Variants in LIPC observed in about 807,000 individuals in gnomAD.
LIPC encodes lipase C, hepatic type, also known as hepatic triacylglycerol lipase.
In LIPC, 44 loss-of-function variants were observed where a neutral mutation model predicts 50.7. The ratio of observed to expected loss-of-function variants is 0.87; its 90% CI spans 0.68 to 1.11. The LOEUF is 1.11. LIPC is among the 50% of genes most tolerant of loss of function. LIPC has a pLI of 0.00. For missense variants in LIPC, 697 were observed against 648.2 expected (o/e 1.08, Z -0.82); for synonymous variants, 271 against 256.4 (o/e 1.06, Z -0.54).
chr15:58,553,986 T>C (rs936292299), intron 6 of LIPC, among the ~76,000 whole-genome samples: 1 of 148,838 alleles, frequency 6.7e-6, no homozygotes, highest in Admixed American at 6.7e-5. Flanking sequence ...GAGAAATCCA[T>C]ACACGGAGGG....
intron 6 of LIPC, among the ~76,000 whole-genome samples, chr15:58,553,275 C>A (rs1469498000): frequency 6.6e-6 from 1 of 152,142 alleles, no homozygotes; most frequent in Non-Finnish European, 1.5e-5. Flanking sequence ...CTCCACCGCT[C>A]GCAGGCAGCA....
At chr15:58,550,022 G>C (rs1003225690) in intron 6 of LIPC, among the ~76,000 whole-genome samples, 1 of 152,174 alleles carries the variant, frequency 6.6e-6, no homozygotes, top group African/African-American at 2.4e-5. Context: ...TGGAATGTTC[G>C]CATCATGAGG....
intron 1 of LIPC, among the ~76,000 whole-genome samples, chr15:58,489,217 C>CGGTGGGG (rs568178680): frequency 6.1e-5 from 1 of 16,514 alleles, no homozygotes; most frequent in African/African-American, 1.6e-4. Flanking sequence ...CATTTTGTTG[C>CGGTGGGG]GGGGGCGGGG....
chr15:58,507,691 GAGGCTAA>G (rs1892197776), intron 1 of LIPC, among the ~76,000 whole-genome samples: 1 of 152,214 alleles, frequency 6.6e-6, no homozygotes, highest in South Asian at 2.1e-4. Flanking sequence ...GCACTGTGTA[GAGGCTAA>G]GGGAAAGCTT....
At position 58,480,746 on chromosome 15, in the gene LIPC, AC is replaced by A. The variant is rs1891158018; in HGVS notation, c.88+48628del. Among the ~76,000 whole-genome samples the A allele has an allele frequency of 2.0e-5, 3 of 152,096 alleles. No homozygotes were observed. In the South Asian group the frequency reaches 6.2e-4, roughly 32 times the overall value. The stretch of plus-strand genomic sequence containing the variant: ...ATTTTCTTTTTGTAGCTTATCAGCT[AC>A]CGTTAGTTTTAGTGTATTTTATGTG... On this transcript the variant is annotated intron_variant, in intron 1 of 8. Transcript: ENST00000299022.
At chr15:58,546,064 A>G (rs1473519945) in intron 5 of LIPC, 89 bp downstream of exon 5, 6 of 1,140,742 alleles carry the variant, frequency 5.3e-6, no homozygotes, top group South Asian at 1.3e-5. Flanking sequence ...TACGGGACTC[A>G]GGGAAGAGTT....
At chr15:58,465,386 T>C (rs1479746958) in intron 1 of LIPC, among the ~76,000 whole-genome samples, 2 of 152,230 alleles carry the variant, frequency 1.3e-5, no homozygotes, top group Admixed American at 1.3e-4. Flanking sequence ...AGTCTTAGTG[T>C]AGACTGAAGG....
chr15:58,474,461 T>C (rs1416712268), intron 1 of LIPC, among the ~76,000 whole-genome samples: 2 of 146,304 alleles, frequency 1.4e-5, no homozygotes, highest in African/African-American at 5.1e-5. Context: ...CAGTGAGCCA[T>C]GATTGCACCA....
intron 1 of LIPC, chr15:58,436,882 T>C (rs767518552): frequency 2.2e-6 from 1 of 456,228 alleles, no homozygotes; most frequent in South Asian, 1.5e-5. Context: ...CATGTGCTTT[T>C]CAAGCCCAAA....
At chr15:58,483,787 C>T (rs975177591) in intron 1 of LIPC, among the ~76,000 whole-genome samples, 4 of 151,898 alleles carry the variant, frequency 2.6e-5, no homozygotes, top group Non-Finnish European at 5.9e-5. Flanking sequence ...AATTTAATAG[C>T]TCTGCAAAAA....
rs777550023 is a variant in LIPC, at chr15:58,538,386, A to G, written c.142A>G (p.Met48Val). ...TGAAACAAACAAAACGCTGCATGAG[A>G]TGAAGACCAGATTCCTGCTCTTTGG... is the stretch of plus-strand genomic sequence containing the variant. ...AVETNKTLHE[M>V]KTRFLLFGET... The change falls in exon 2 of 9, where the codon ATG becomes GTG. Residue 48 changes from methionine (M) to valine (V), a missense_variant. Physicochemically the swap from Met to Val is conservative, Grantham distance 21. Transcript: ENST00000299022. 6.2e-7 allele frequency: 1 copy of G among 1,614,166 alleles called. No homozygotes were observed. The highest frequency in any genetic ancestry group is 8.5e-7 in the Non-Finnish European group (1 of 1,179,986).
Position 58,541,931 on chromosome 15 carries a change from G to A in LIPC, c.420G>A (p.Val140=). The part of the protein sequence containing the change: ...YTIAVRNTRL[V]GKEVAALLRW... ...TCGCCGTCCGCAACACCCGCCTTGT[G>A]GGCAAGGAGGTCGCGGCTCTTCTCC... is the stretch of plus-strand genomic sequence containing the variant. The change falls in exon 3 of 9, where the codon GTG becomes GTA. Residue 140 remains valine (V), a synonymous_variant. Transcript: ENST00000299022. 6.2e-7 allele frequency: 1 copy of A among 1,611,576 alleles called. No individual in the cohort carries two copies. Among genetic ancestry groups the A allele is most frequent in the South Asian group, 1.1e-5 (1 of 90,842 alleles).
At chr15:58,479,497 G>T (rs570847283) in intron 1 of LIPC, among the ~76,000 whole-genome samples, 14 of 152,176 alleles carry the variant, frequency 9.2e-5, no homozygotes, top group African/African-American at 2.2e-4. Flanking sequence ...TTGGGTCTCT[G>T]CCTGGTCCGC....
intron 1 of LIPC, among the ~76,000 whole-genome samples, chr15:58,512,759 C>A (rs1968684): frequency 6.6e-6 from 1 of 152,052 alleles, no homozygotes; most frequent in Non-Finnish European, 1.5e-5. Flanking sequence ...GGCACTGGAA[C>A]GAGGTAGGAG....
At chr15:58,542,086 T>TCACAGGAATGAGAAGG in intron 3 of LIPC, 119 bp downstream of exon 3, 2 of 1,186,150 alleles carry the variant, frequency 1.7e-6, no homozygotes, top group Non-Finnish European at 2.4e-6. Flanking sequence ...AATGCTCAGC[T>TCACAGGAATGAGAAGG]CACAGGAATG....
intron 1 of LIPC, among the ~76,000 whole-genome samples, chr15:58,440,345 C>G (rs1053138243): frequency 6.6e-6 from 1 of 152,178 alleles, no homozygotes; most frequent in African/African-American, 2.4e-5. Flanking sequence ...CTAGGACTGA[C>G]CTTTCCGTGA....
At chr15:58,542,451 G>T (rs1443922738) in intron 3 of LIPC, 83 bp from the exon 4 acceptor site, 1 of 871,602 alleles carries the variant, frequency 1.1e-6, no homozygotes, top group Admixed American at 1.7e-5. Flanking sequence ...GAAGAACAGG[G>T]TGGGCGCCAC....
chr15:58,462,513 TCACA>T, intron 1 of LIPC, among the ~76,000 whole-genome samples: 1 of 152,316 alleles, frequency 6.6e-6, no homozygotes, highest in South Asian at 2.1e-4. Flanking sequence ...GTTTAGATAC[TCACA>T]CATACATTCT....
At chr15:58,520,112 G>GTTTTT (rs10631480) in intron 1 of LIPC, among the ~76,000 whole-genome samples, 10 of 123,522 alleles carry the variant, frequency 8.1e-5, no homozygotes, top group Non-Finnish European at 1.2e-4. Flanking sequence ...GTTTTGGGCT[G>GTTTTT]TTTTTTTTTT....
Sources: allele counts gnomAD v4.1 joint callset (sites outside exome capture counted in the v4.1 genomes callset), GRCh38; gene constraint gnomAD v4.1.1; transcripts MANE v1.5; gene names NCBI Gene and HGNC (gene_info 2026-07-23, HGNC 2026-07-21).